The following APOB variants were observed in gnomAD, a reference collection of about 807,000 sequenced individuals.
APOB encodes apolipoprotein B-100.
Under a neutral mutation model 314.1 loss-of-function variants are expected in APOB, and 153 were observed. The ratio of observed to expected loss-of-function variants is 0.49; its 90% CI spans 0.43 to 0.56. APOB has a LOEUF of 0.56. Among genes scored for constraint, APOB ranks in the 20% least tolerant of loss-of-function variants. The pLI is 0.00. For synonymous variants in APOB, 2,087 were observed against 2,036.4 expected (o/e 1.02, Z -0.67); for missense variants, 5,430 against 5,350.7 (o/e 1.01, Z -0.46).
intron 18 of APOB, 74 bp from the exon 19 acceptor site, chr2:21,019,979 C>A: frequency 1.5e-6 from 2 of 1,379,000 alleles, no homozygotes; most frequent in South Asian, 2.4e-5. Context: ...TCTCAGGGTG[C>A]AAATACCCCC....
intron 24 of APOB, 22 bp from the exon 25 acceptor site, chr2:21,013,555 AC>A: frequency 6.2e-7 from 1 of 1,613,774 alleles, no homozygotes; most frequent in Non-Finnish European, 8.5e-7. Context: ...AACAAAGATA[AC>A]ATCCCCACAG....
chr2:21,042,390 A>T lies in APOB; in HGVS notation c.208T>A (p.Ser70Thr). The T allele has an allele frequency of 1.2e-6, 2 of 1,613,930 alleles. No individual in the cohort carries two copies. The highest frequency in any genetic ancestry group is 3.3e-4 in the Middle Eastern group (2 of 6,034). ...SSSGVPGTAD[S>T]RSATRINCKV... ...CAGTTGATCCTGGTGGCACTTCTTG[A>T]ATCAGCAGTCCCAGGGACTCCACTG... The change falls in exon 3 of 29, where the codon TCA (serine) becomes ACA (threonine). Residue 70 changes from serine (S) to threonine (T), a missense_variant. Coordinates refer to ENST00000233242, the MANE Select transcript of APOB (RefSeq NM_000384.3).
chr2:21,013,195 T>C lies in APOB; in HGVS notation c.4181A>G (p.Asp1394Gly), dbSNP rs769694008. The stretch of plus-strand genomic sequence containing the variant: ...GTAGGAAAGCAGGTCAACCACAGAG[T>C]CAGCCTTCATGTGGTAACGAGCCCG... ...SLRARYHMKA[D>G]SVVDLLSYNV... The change falls in exon 25 of 29, where the codon GAC becomes GGC. Residue 1394 changes from aspartate (D) to glycine (G), a missense_variant. By Grantham distance (94) the Asp-to-Gly change is moderately conservative. Around this residue, in one of 3 missense-constraint regions of APOB, gnomAD observed 2,085 missense variants for 2,079.7 expected, o/e 1.00. Coordinates refer to ENST00000233242, the MANE Select transcript of APOB (RefSeq NM_000384.3). 79 of 1,613,506 alleles carry C rather than the reference T, an allele frequency of 4.9e-5. No individual in the cohort carries two copies. The highest frequency in any genetic ancestry group is 6.4e-5 in the Non-Finnish European group (76 of 1,179,898).
In APOB at chr2:21,006,771, A is replaced by G; in HGVS notation, c.10097T>C (p.Leu3366Pro). ...AATGACAGATGAAGATGAAGAAAGG[A>G]GATGAGCAACAATATCTGACTGGTT... is the stretch of plus-strand genomic sequence containing the variant. ...LFNQSDIVAH[L>P]LSSSSSVIDA... Residue 3366 changes from leucine (L) to proline (P), a missense_variant, in exon 26 of 29, where the codon CTC becomes CCC. Physicochemically the swap from Leu to Pro is moderately conservative, Grantham distance 98. Around this residue, in one of 3 missense-constraint regions of APOB, gnomAD observed 3,281 missense variants for 3,171.0 expected, o/e 1.03. Transcript: ENST00000233242. The G allele has an allele frequency of 1.2e-6, 2 of 1,614,152 alleles. No individual in the cohort carries two copies. Among genetic ancestry groups the G allele is most frequent in the East Asian group, 4.5e-5 (2 of 44,884 alleles).
Position 21,004,454 on chromosome 2 carries a change from T to G in APOB, c.11904-2A>C, listed in dbSNP as rs112368764. 6.2e-7 allele frequency: 1 copy of G among 1,613,964 alleles called. No homozygotes were observed. Among genetic ancestry groups the G allele is most frequent in the South Asian group, 1.1e-5 (1 of 91,074 alleles). On this transcript the variant is annotated splice_acceptor_variant, in intron 27 of 28. Coordinates refer to ENST00000233242, the MANE Select transcript of APOB (RefSeq NM_000384.3). LOFTEE classifies it high-confidence loss of function. Reference sequence around the variant, plus strand: ...AGGTGCGCTTTTCCTTCCCATTCCCTGAAAGCAGAAAAACAGATGAGCTAT... The same window carrying G: ...AGGTGCGCTTTTCCTTCCCATTCCCGGAAAGCAGAAAAACAGATGAGCTAT...
intron 15 of APOB, among the ~76,000 whole-genome samples, chr2:21,025,660 C>T (rs1572794459): frequency 1.3e-5 from 2 of 152,132 alleles, no homozygotes; most frequent in South Asian, 2.1e-4. Context: ...CAAAGATCCT[C>T]GGCCTCAAGT....
At chr2:21,037,023 C>G (rs1664018023) in intron 6 of APOB, 77 bp downstream of exon 6, 3 of 1,588,032 alleles carry the variant, frequency 1.9e-6, no homozygotes, top group Non-Finnish European at 2.6e-6. Context: ...AAGGTGCCCA[C>G]TAGCTCAAAA....
chr2:21,005,187 T>C lies in APOB; in HGVS notation c.11681A>G (p.Tyr3894Cys), dbSNP rs775669767. Residue 3894 changes from tyrosine to cysteine, a missense_variant, in exon 26 of 29, where the codon TAT (tyrosine) becomes TGT (cysteine). Tyr to Cys is a radical substitution (Grantham distance 194). Coordinates refer to ENST00000233242, the MANE Select transcript of APOB (RefSeq NM_000384.3). Reference sequence around the variant, plus strand: ...CAAACTGGCACTCCAAGTGGCATTATACACGGGAGAGTCTACCTCAAAGCG... The same window carrying C: ...CAAACTGGCACTCCAAGTGGCATTACACACGGGAGAGTCTACCTCAAAGCG... ...TARFEVDSPV[Y>C]NATWSASLKN... 1.9e-6 allele frequency: 3 copies of C among 1,613,976 alleles called. No individual in the cohort carries two copies. The highest frequency in any genetic ancestry group is 2.2e-5 in the South Asian group (2 of 91,084).
chr2:21,009,161 A>G lies in APOB; in HGVS notation c.7707T>C (p.Ser2569=). Residue 2569 remains serine, a synonymous_variant, in exon 26 of 29, where the codon TCT becomes TCC. Coordinates refer to ENST00000233242, the MANE Select transcript of APOB (RefSeq NM_000384.3). ...KNLTDFAEQY[S]IQDWAKRMKA... is the part of the protein sequence containing the mutation. Reference sequence around the variant, plus strand: ...TCATACGTTTAGCCCAATCTTGGATAGAATATTGCTCTGCAAAGTCAGTAA... The same window carrying G: ...TCATACGTTTAGCCCAATCTTGGATGGAATATTGCTCTGCAAAGTCAGTAA... 6.2e-7 allele frequency: 1 copy of G among 1,614,112 alleles called. No individual in the cohort carries two copies. Among genetic ancestry groups the G allele is most frequent in the Non-Finnish European group, 8.5e-7 (1 of 1,179,964 alleles).
At chr2:21,028,604 C>T (rs1663800232) in intron 12 of APOB, 66 bp from the exon 13 acceptor site, 1 of 1,096,248 alleles carries the variant, frequency 9.1e-7, no homozygotes, top group Non-Finnish European at 1.4e-6. Context: ...GCCTGGCAAA[C>T]ACTGGCATTG....
At chr2:21,022,778 A>G in intron 18 of APOB, 53 bp downstream of exon 18, 1 of 1,575,584 alleles carries the variant, frequency 6.3e-7, no homozygotes, top group Non-Finnish European at 8.7e-7. Context: ...CTGCAGGTAC[A>G]TTCTCTGTTC....
In APOB at chr2:21,011,221, T is replaced by C. The variant is rs1663310567; in HGVS notation, c.5647A>G (p.Thr1883Ala). Residue 1883 changes from threonine (T) to alanine (A), a missense_variant, in exon 26 of 29, where the codon ACA (threonine) becomes GCA (alanine). Coordinates refer to ENST00000233242, the MANE Select transcript of APOB (RefSeq NM_000384.3). ...TGCAGTGAGTCTGAATTATAGTTTG[T>C]GCTCATGTCAATGGCTGAAGCCAGC... ...AGLASAIDMS[T>A]NYNSDSLHFS... is the part of the protein sequence containing the mutation. 5 of 1,614,100 alleles carry C rather than the reference T, an allele frequency of 3.1e-6. No individual in the cohort carries two copies. Among genetic ancestry groups the C allele is most frequent in the African/African-American group, 1.3e-5 (1 of 74,938 alleles).
In APOB at chr2:21,038,086, C is replaced by A. The variant is rs766243954; in HGVS notation, c.409G>T (p.Glu137Ter). The change falls in exon 5 of 29, where the codon GAA becomes TAA. Residue 137 changes from glutamate (E) to a stop codon, truncating the protein, a stop_gained. Coordinates refer to ENST00000233242, the MANE Select transcript of APOB (RefSeq NM_000384.3). LOFTEE classifies it high-confidence loss of function. Reference sequence around the variant, plus strand: ...GGGTAAAGGAAAACCTGCTTCCCTTCTGGAATGGCCAGCTTGAGCTCATAC... The same window carrying A: ...GGGTAAAGGAAAACCTGCTTCCCTTATGGAATGGCCAGCTTGAGCTCATAC... ...SRYELKLAIPEGKQVFLYPEK... is the reference protein window; with the variant it reads ...SRYELKLAIP The A allele has an allele frequency of 1.5e-5, 25 of 1,614,026 alleles. No individual in the cohort carries two copies. Among genetic ancestry groups the A allele is most frequent in the Non-Finnish European group, 2.1e-5 (25 of 1,180,040 alleles).
rs1351223319 is a variant in APOB at position 21,013,489 on chromosome 2, A to G, written c.3887T>C (p.Ile1296Thr). 4 of 1,614,080 alleles carry G rather than the reference A, an allele frequency of 2.5e-6. No homozygotes were observed. Among genetic ancestry groups the G allele is most frequent in the African/African-American group, 1.3e-5 (1 of 74,924 alleles). Residue 1296 changes from isoleucine to threonine, a missense_variant, in exon 25 of 29, where the codon ATT (isoleucine) becomes ACT (threonine). Ile to Thr is a moderately conservative substitution (Grantham distance 89, BLOSUM62 -1). Transcript: ENST00000233242. ...GCCACCAAAAGGCAAAGGAATCTCA[A>G]TTTTCAAACTGTTCTTGTTCAAGGT... is the stretch of plus-strand genomic sequence containing the variant. ...KYTLNKNSLKIEIPLPFGGKS... is the reference protein window; with the variant it reads ...KYTLNKNSLKTEIPLPFGGKS...
chr2:21,036,949 C>T, intron 6 of APOB, 151 bp downstream of exon 6: 2 of 976,646 alleles, frequency 2.0e-6, no homozygotes, highest in Non-Finnish European at 1.6e-6. Flanking sequence ...GGCAGACCTT[C>T]CCGTGCCTGC....
rs1662974334 is a variant in APOB, at chr2:21,001,436, CA to C, written c.*293del. ...ATGAGCCACATTCAGTGGTATGATA[CA>C]CAATAAAGACTCCATTTATTTGTTC... is the stretch of plus-strand genomic sequence containing the variant. On this transcript the variant is annotated 3_prime_UTR_variant, in exon 29 of 29. Transcript: ENST00000233242. 2.8e-6 allele frequency: 1 copy of C among 353,380 alleles called. No individual in the cohort carries two copies. Among genetic ancestry groups the C allele is most frequent in the Non-Finnish European group, 5.2e-6 (1 of 192,812 alleles). 21.9% of individuals were successfully genotyped at this position (353,380 alleles called of 1,614,324 possible).
At chr2:21,039,040 CACAA>C (rs919389574) in intron 4 of APOB, among the ~76,000 whole-genome samples, 1 of 152,168 alleles carries the variant, frequency 6.6e-6, no homozygotes, top group African/African-American at 2.4e-5. Flanking sequence ...TTTTAAACCA[CACAA>C]ACAATACCAA....
chr2:21,038,061 G>T lies in APOB; in HGVS notation c.434C>A (p.Pro145Gln). 1.9e-6 allele frequency: 3 copies of T among 1,614,108 alleles called. No homozygotes were observed. The highest frequency in any genetic ancestry group is 2.5e-6 in the Non-Finnish European group (3 of 1,180,018). Residue 145 changes from proline to glutamine, a missense_variant, in exon 5 of 29, where the codon CCG becomes CAG. Pro to Gln is a moderately conservative substitution (Grantham distance 76, BLOSUM62 -1). Transcript: ENST00000233242. ...IPEGKQVFLYPEKDEPTYILN... is the reference protein window; with the variant it reads ...IPEGKQVFLYQEKDEPTYILN... Reference sequence around the variant, plus strand: ...GATGTAAGTAGGTTCATCTTTCTCCGGGTAAAGGAAAACCTGCTTCCCTTC... The same window carrying T: ...GATGTAAGTAGGTTCATCTTTCTCCTGGTAAAGGAAAACCTGCTTCCCTTC...
Position 21,006,969 on chromosome 2 carries a change from G to A in APOB, c.9899C>T (p.Pro3300Leu). The change falls in exon 26 of 29, where the codon CCA (proline) becomes CTA (leucine). Residue 3300 changes from proline to leucine, a missense_variant. Around this residue, in one of 3 missense-constraint regions of APOB, gnomAD observed 3,281 missense variants for 3,171.0 expected, o/e 1.03. Coordinates refer to ENST00000233242, the MANE Select transcript of APOB (RefSeq NM_000384.3). ...ATGAAGGACTGGCAGCTCTAATGAT[G>A]GCAGGATTAATGTGTATGAAGGCAC... ...VRVPSYTLIL[P>L]SLELPVLHVP... 1 of 1,614,026 alleles carries A rather than the reference G, an allele frequency of 6.2e-7. No individual in the cohort carries two copies. Among genetic ancestry groups the A allele is most frequent in the Non-Finnish European group, 8.5e-7 (1 of 1,179,936 alleles).
Sources: gnomAD v4.1 joint callset for allele counts (sites outside exome capture counted in the v4.1 genomes callset) on GRCh38, gnomAD v4.1.1 for gene constraint, gnomAD v4.1.1 regional missense constraint, MANE v1.5 for transcripts, NCBI Gene and HGNC (gene_info 2026-07-23, HGNC 2026-07-21) for gene names.